Variants in HS3ST2 observed in about 807,000 individuals in gnomAD.
HS3ST2 encodes the protein heparan sulfate glucosamine 3-O-sulfotransferase 2.
HS3ST2 carries 17 observed loss-of-function variants against 26.3 expected under a neutral mutation model. The ratio of observed to expected loss-of-function variants is 0.65; its 90% CI spans 0.44 to 0.97. The LOEUF (loss-of-function observed/expected upper bound fraction) is 0.97. HS3ST2 is among the 50% of genes least tolerant of loss of function. The pLI is 0.00. For synonymous variants in HS3ST2, 237 were observed against 219.2 expected (o/e 1.08, Z -0.72); for missense variants, 402 against 501.2 (o/e 0.80, Z 1.89).
intron 1 of HS3ST2, among the ~76,000 whole-genome samples, chr16:22,825,817 G>A (rs1286972495): frequency 6.6e-6 from 1 of 152,214 alleles, no homozygotes; most frequent in Non-Finnish European, 1.5e-5. Context: ...GAGGTCAGGA[G>A]TTCGAGACCA....
rs935060344 is a variant in HS3ST2 at position 22,814,162 on chromosome 16, G to C, written c.-449G>C. 1.6e-4 allele frequency: 25 copies of C among 158,660 alleles called. No individual in the cohort carries two copies. Among genetic ancestry groups the C allele is most frequent in the Non-Finnish European group, 3.0e-4 (22 of 72,900 alleles). The allele number at this position is 158,660 out of a possible 1,614,324, so 9.8% of individuals were successfully genotyped here. A position where few individuals can be genotyped will look rare whatever the true frequency, so the allele number is the denominator to read the frequency against. On this transcript the variant is annotated 5_prime_UTR_variant, in exon 1 of 2. Coordinates refer to ENST00000261374, the MANE Select transcript of HS3ST2 (RefSeq NM_006043.2). ...ATAGAGCCGGCAGCGCGCTCCGCTC[G>C]GCATTTCCCGAAGAGCCAGATCGCG... is the stretch of plus-strand genomic sequence containing the variant.
chr16:22,839,249 T>C (rs1028046628), intron 1 of HS3ST2, among the ~76,000 whole-genome samples: 1 of 152,230 alleles, frequency 6.6e-6, no homozygotes, highest in Non-Finnish European at 1.5e-5. Context: ...GGGGCAGGAC[T>C]CAGCAAGGCT....
At chr16:22,875,832 C>G (rs1043492023) in intron 1 of HS3ST2, among the ~76,000 whole-genome samples, 1 of 152,160 alleles carries the variant, frequency 6.6e-6, no homozygotes, top group Non-Finnish European at 1.5e-5. Context: ...CATTTTTAAC[C>G]TTTTATACCA....
At chr16:22,873,927 A>G (rs1253807372) in intron 1 of HS3ST2, among the ~76,000 whole-genome samples, 3 of 152,214 alleles carry the variant, frequency 2.0e-5, no homozygotes, top group Non-Finnish European at 4.4e-5. Flanking sequence ...GTGATCTCCC[A>G]TTCTTCAGCA....
At chr16:22,858,183 C>T (rs116672594) in intron 1 of HS3ST2, among the ~76,000 whole-genome samples, 22 of 151,838 alleles carry the variant, frequency 1.4e-4, no homozygotes, top group African/African-American at 4.6e-4. Context: ...TAAAAAATAA[C>T]GAAAATTGTA....
At chr16:22,882,483 C>A (rs1363541245) in intron 1 of HS3ST2, among the ~76,000 whole-genome samples, 4 of 151,642 alleles carry the variant, frequency 2.6e-5, no homozygotes, top group Admixed American at 6.6e-5. Flanking sequence ...CCTGTAATCC[C>A]AGCAATTTGG....
chr16:22,890,277 G>T (rs1222173884), intron 1 of HS3ST2, among the ~76,000 whole-genome samples: 1 of 150,708 alleles, frequency 6.6e-6, no homozygotes, highest in Non-Finnish European at 1.5e-5. Flanking sequence ...TTTCTACAAG[G>T]ATTTTCTTTT....
At chr16:22,838,500 A>G (rs533733202) in intron 1 of HS3ST2, among the ~76,000 whole-genome samples, 2 of 152,236 alleles carry the variant, frequency 1.3e-5, no homozygotes, top group Admixed American at 1.3e-4. Flanking sequence ...CTGATTTGAC[A>G]TTCTTATTTA....
At chr16:22,892,854 T>C (rs1447746125) in intron 1 of HS3ST2, among the ~76,000 whole-genome samples, 1 of 152,242 alleles carries the variant, frequency 6.6e-6, no homozygotes, top group Admixed American at 6.5e-5. Flanking sequence ...TTCATTAATA[T>C]ACTGATCCAA....
chr16:22,819,803 A>G (rs1276925535), intron 1 of HS3ST2, among the ~76,000 whole-genome samples: 1 of 152,278 alleles, frequency 6.6e-6, no homozygotes, highest in African/African-American at 2.4e-5. Flanking sequence ...AAAGCCCAGA[A>G]TAAGATCTAT....
chr16:22,828,858 C>G (rs1386445086), intron 1 of HS3ST2, among the ~76,000 whole-genome samples: 2 of 152,208 alleles, frequency 1.3e-5, no homozygotes, highest in Admixed American at 1.3e-4. Flanking sequence ...TCTCCATTAA[C>G]AAGAAATCCT....
rs1301863358 is a variant in HS3ST2, at chr16:22,897,869, T to C, written c.486-17075T>C. Among the ~76,000 whole-genome samples, 6 of 25,702 alleles carry C rather than the reference T, an allele frequency of 2.3e-4. 2 individuals are homozygous for C. The highest frequency in any genetic ancestry group is 1.4e-3 in the African/African-American group (6 of 4,274). The allele number at this position is 25,702 out of a possible 152,430, so 16.9% of individuals were successfully genotyped here. On this transcript the variant is annotated intron_variant, in intron 1 of 1. Transcript: ENST00000261374. ...CTCCTTGATGATATTCTGTGGTATT[T>C]ATATGAGATAATACATGTAAAAGCT...
At chr16:22,819,507 T>C (rs1900957024) in intron 1 of HS3ST2, among the ~76,000 whole-genome samples, 1 of 152,214 alleles carries the variant, frequency 6.6e-6, no homozygotes, top group African/African-American at 2.4e-5. Flanking sequence ...TGAAGTGTTC[T>C]CAATTTTGCT....
intron 1 of HS3ST2, among the ~76,000 whole-genome samples, chr16:22,867,901 T>C (rs552872239): frequency 1.3e-5 from 2 of 152,310 alleles, no homozygotes; most frequent in Non-Finnish European, 2.9e-5. Flanking sequence ...CAAATAAGTG[T>C]CTGATATGGG....
At chr16:22,889,111 T>C (rs1331791277) in intron 1 of HS3ST2, among the ~76,000 whole-genome samples, 1 of 152,214 alleles carries the variant, frequency 6.6e-6, no homozygotes, top group Non-Finnish European at 1.5e-5. Context: ...TCCTTTATGC[T>C]TTAGCCACAC....
chr16:22,858,512 T>C (rs1256967202), intron 1 of HS3ST2, among the ~76,000 whole-genome samples: 3 of 152,088 alleles, frequency 2.0e-5, no homozygotes, highest in Admixed American at 6.6e-5. Flanking sequence ...ATCACTATAT[T>C]ATTACAAATA....
chr16:22,855,720 C>CTCTCTG (rs1901584919), intron 1 of HS3ST2, among the ~76,000 whole-genome samples: 1 of 151,736 alleles, frequency 6.6e-6, no homozygotes, highest in African/African-American at 2.4e-5. Flanking sequence ...CTCTCTCTCT[C>CTCTCTG]TCTCTCTCTT....
rs1172842007 is a variant in HS3ST2 at position 22,814,832 on chromosome 16, T to C, written c.222T>C (p.Asp74=). ...TTCTCCAGAAGTCCCGCCCCTGTGA[T>C]CCCTCCGGGCCGACGCCCAGCGAGC... ...QKLLQKSRPC[D]PSGPTPSEPS... Residue 74 remains aspartate (D), a synonymous_variant, in exon 1 of 2, where the codon GAT becomes GAC. Transcript: ENST00000261374. 3.2e-6 allele frequency: 5 copies of C among 1,573,340 alleles called. No homozygotes were observed. Among genetic ancestry groups the C allele is most frequent in the African/African-American group, 1.4e-5 (1 of 74,000 alleles).
chr16:22,854,610 T>C (rs1265145018), intron 1 of HS3ST2: 1 of 151,860 alleles, frequency 6.6e-6, no homozygotes, highest in Non-Finnish European at 1.5e-5. Flanking sequence ...TTTTCTGCAT[T>C]GTTAATTTAT....
Sources: allele counts gnomAD v4.1 joint callset (sites outside exome capture counted in the v4.1 genomes callset), GRCh38; gene constraint gnomAD v4.1.1; transcripts MANE v1.5; gene names NCBI Gene and HGNC (gene_info 2026-07-23, HGNC 2026-07-21).